Variants in HDAC4 observed in about 807,000 individuals in gnomAD.
HDAC4 encodes histone deacetylase A.
HDAC4 carries 16 observed loss-of-function variants against 135.1 expected under a neutral mutation model. The ratio of observed to expected loss-of-function variants is 0.12; its 90% confidence interval spans 0.08 to 0.18. The LOEUF (loss-of-function observed/expected upper bound fraction) is 0.18, where lower values mean the gene tolerates loss of function less well. Ranked by LOEUF, HDAC4 falls within the 10% of genes least tolerant of loss-of-function variation. The pLI, the probability that HDAC4 is intolerant of heterozygous loss-of-function variation, is 1.00. For synonymous variants in HDAC4, 685 were observed against 653.4 expected, an observed-to-expected ratio of 1.05 and a Z score of -0.74; for missense variants, 1,143 against 1,511.8, an observed-to-expected ratio of 0.76 and a Z score of 4.05.
At chr2:239,056,346 C>A (rs1485838938) in intron 24 of HDAC4, among the ~76,000 whole-genome samples, 2 of 152,188 alleles carry the variant, frequency 1.3e-5, no homozygotes, top group Non-Finnish European at 2.9e-5. Context: ...CGGTCCAAGG[C>A]TGGGGCGGGG....
At chr2:239,163,952 T>C in intron 5 of HDAC4, 29 bp from the exon 6 acceptor site, 1 of 1,613,024 alleles carries the variant, frequency 6.2e-7, no homozygotes, top group Non-Finnish European at 8.5e-7. Context: ...TAGCAGGGGG[T>C]GAAGTGTGGC....
chr2:239,376,613 C>T (rs1025056491), intron 1 of HDAC4, among the ~76,000 whole-genome samples: 2 of 152,254 alleles, frequency 1.3e-5, no homozygotes. Flanking sequence ...ACAACACCCG[C>T]CCCAGGGGGA....
intron 3 of HDAC4, among the ~76,000 whole-genome samples, chr2:239,216,051 T>C (rs1161849162): frequency 1.3e-5 from 2 of 152,208 alleles, no homozygotes; most frequent in African/African-American, 2.4e-5. Context: ...CAAACATATA[T>C]ACTCTTCAGC....
intron 3 of HDAC4, among the ~76,000 whole-genome samples, chr2:239,193,007 TCAAA>T (rs1029879891): frequency 3.3e-5 from 5 of 152,270 alleles, no homozygotes; most frequent in African/African-American, 7.2e-5. Flanking sequence ...TTCTGTTTGG[TCAAA>T]CAGAGACATT....
intron 3 of HDAC4, among the ~76,000 whole-genome samples, chr2:239,207,656 C>T (rs1343654107): frequency 6.6e-6 from 1 of 152,138 alleles, no homozygotes; most frequent in African/African-American, 2.4e-5. Context: ...GAAAAACATT[C>T]CAAAGTTGAC....
intron 1 of HDAC4, among the ~76,000 whole-genome samples, chr2:239,380,118 G>A (rs1425391354): frequency 6.6e-6 from 1 of 152,218 alleles, no homozygotes; most frequent in East Asian, 1.9e-4. Context: ...AGAGCCAAGA[G>A]GGCCCTCATG....
chr2:239,101,028 G>T (rs940150848), intron 16 of HDAC4, among the ~76,000 whole-genome samples: 3 of 152,162 alleles, frequency 2.0e-5, no homozygotes, highest in Admixed American at 2.0e-4. Flanking sequence ...CATAGCCTCT[G>T]CAGTTGCTGA....
At chr2:239,175,383 C>G (rs77072099) in intron 5 of HDAC4, among the ~76,000 whole-genome samples, 3,672 of 152,340 alleles carry the variant, frequency 0.024, 172 homozygotes, top group African/African-American at 0.084. Context: ...GGGCACCGTC[C>G]TCGTGCAGAG....
chr2:239,356,048 GA>G (rs1273321307), intron 1 of HDAC4, among the ~76,000 whole-genome samples: 2 of 152,046 alleles, frequency 1.3e-5, no homozygotes, highest in African/African-American at 4.8e-5. Flanking sequence ...GCTTATCTTA[GA>G]AAAAAGAAAA....
chr2:239,352,245 G>A lies in HDAC4; in HGVS notation c.22+433C>T, dbSNP rs1242542690. Among the ~76,000 whole-genome samples, 3 of 152,120 alleles carry A rather than the reference G, an allele frequency of 2.0e-5. No individual in the cohort carries two copies. The highest frequency in any genetic ancestry group is 2.9e-5 in the Non-Finnish European group (2 of 68,014). ...AAACACCAGGAGCAACTGTGGCCACGACCTCAGTGGGAACATGAGCTTCTT... is the reference window on the plus strand; with the variant it reads ...AAACACCAGGAGCAACTGTGGCCACAACCTCAGTGGGAACATGAGCTTCTT... On this transcript the variant is annotated intron_variant, in intron 2 of 26. Transcript: ENST00000543185. This position sits in a 1 kb window ranked among gnomAD's most constrained non-coding sequence, Gnocchi z 4.4.
chr2:239,351,493 C>T (rs1693152925), intron 2 of HDAC4, among the ~76,000 whole-genome samples: 1 of 152,174 alleles, frequency 6.6e-6, no homozygotes, highest in Admixed American at 6.5e-5. Flanking sequence ...AGGGAGAGAG[C>T]CAGCTCCATT....
chr2:239,332,804 T>C (rs1691674193), intron 2 of HDAC4, among the ~76,000 whole-genome samples: 1 of 151,892 alleles, frequency 6.6e-6, no homozygotes, highest in Non-Finnish European at 1.5e-5. Context: ...AATATTAATA[T>C]AATAAATAAG....
rs758440594 is a variant in HDAC4, at chr2:239,134,421, G to C, written c.1118C>G (p.Ala373Gly). The C allele has an allele frequency of 4.3e-6, 7 of 1,613,216 alleles. No homozygotes were observed. The highest frequency in any genetic ancestry group is 5.9e-6 in the Non-Finnish European group (7 of 1,179,748). Residue 373 changes from alanine (A) to glycine (G), a missense_variant, in exon 11 of 27, where the codon GCC becomes GGC. Physicochemically the swap from Ala to Gly is moderately conservative, Grantham distance 60. This residue lies in a region of HDAC4 where 272 missense variants were observed against 309.7 expected (regional missense o/e 0.88). Coordinates refer to ENST00000543185, the MANE Select transcript of HDAC4 (RefSeq NM_001378414.1). ...PSAGTAGQQDAERLTLPALQQ... is the reference protein window; with the variant it reads ...PSAGTAGQQDGERLTLPALQQ... ...GAGGGCGGGAAGGGTGAGTCTCTCGGCGTCCTGCTGGCCCGCCGTGCCCTG... is the reference window on the plus strand; with the variant it reads ...GAGGGCGGGAAGGGTGAGTCTCTCGCCGTCCTGCTGGCCCGCCGTGCCCTG...
intron 16 of HDAC4, among the ~76,000 whole-genome samples, chr2:239,099,603 C>T (rs1337759362): frequency 6.6e-6 from 1 of 152,244 alleles, no homozygotes; most frequent in African/African-American, 2.4e-5. Flanking sequence ...GGCCTTTGTC[C>T]ACCCAGCTCC....
chr2:239,120,262 C>T (rs1156654198), intron 12 of HDAC4, among the ~76,000 whole-genome samples: 1 of 152,096 alleles, frequency 6.6e-6, no homozygotes, highest in Non-Finnish European at 1.5e-5. Context: ...CTACGCAGAG[C>T]TGGGGAGCTG....
chr2:239,194,880 GCGCTGATC>G (rs1339767620), intron 3 of HDAC4, among the ~76,000 whole-genome samples: 1 of 152,218 alleles, frequency 6.6e-6, no homozygotes, highest in African/African-American at 2.4e-5. Context: ...GAAGGTGCTG[GCGCTGATC>G]CGCCCCTGGC....
chr2:239,096,719 C>T (rs1575010998), intron 16 of HDAC4, among the ~76,000 whole-genome samples: 1 of 129,758 alleles, frequency 7.7e-6, no homozygotes, highest in South Asian at 2.8e-4. Flanking sequence ...CCACGGACAC[C>T]AGCACCCCCC....
chr2:239,398,713 G>A (rs1484782017), intron 1 of HDAC4, among the ~76,000 whole-genome samples: 1 of 152,176 alleles, frequency 6.6e-6, no homozygotes, highest in Non-Finnish European at 1.5e-5. Flanking sequence ...GGAAGCTGCT[G>A]AACACAGAAC....
rs111899339 is a variant in HDAC4, at chr2:239,067,188, C to T, written c.2870-333G>A. 2.5e-3 allele frequency among the ~76,000 whole-genome samples: 383 copies of T among 152,332 alleles called. 3 individuals are homozygous for T. The highest frequency in any genetic ancestry group is 8.7e-3 in the African/African-American group (361 of 41,584). On this transcript the variant is annotated intron_variant, in intron 23 of 26. Transcript: ENST00000543185. ...GGGGCTATGGCCATGCTCTTGTGGC[C>T]GTGGCCCAGCGGGCTCTGGTTATCT...
Sources: allele counts gnomAD v4.1 joint callset (sites outside exome capture counted in the v4.1 genomes callset), GRCh38; gene constraint gnomAD v4.1.1; regional missense constraint gnomAD v4.1.1; non-coding constraint Gnocchi (gnomAD v3.1); transcripts MANE v1.5; gene names NCBI Gene and HGNC (gene_info 2026-07-23, HGNC 2026-07-21).